PPP2R3B: variants seen among roughly 807,000 people sequenced by gnomAD.
The protein encoded by PPP2R3B is serine/threonine-protein phosphatase 2A regulatory subunit B'' subunit beta.
A neutral mutation model predicts 72.9 loss-of-function variants in PPP2R3B; 68 were observed. That is an observed-to-expected ratio of 0.93 (90% CI 0.77 to 1.14). The LOEUF is 1.14. Among genes scored for constraint, PPP2R3B ranks in the 50% most tolerant of loss-of-function variants. The probability of loss-of-function intolerance (pLI) is 0.00; values close to 1 mark genes in which losing one functional copy is unlikely to be tolerated. For missense variants in PPP2R3B, 1,018 were observed against 842.0 expected, an observed-to-expected ratio of 1.21 and a Z score of -2.59; for synonymous variants, 466 against 375.8, an observed-to-expected ratio of 1.24 and a Z score of -2.78.
chrX:366,653 G>A lies in PPP2R3B; in HGVS notation c.325-5063C>T, dbSNP rs867249274. ...GCAGAGGTTGCAGTGAGCTGAGATC[G>A]CACCACTGCACTCCAGCCTGGGCGA... On this transcript the variant is annotated intron_variant, in intron 1 of 12. Coordinates refer to ENST00000390665, the MANE Select transcript of PPP2R3B (RefSeq NM_013239.5). Among the ~76,000 whole-genome samples the A allele has an allele frequency of 1.6e-3, 52 of 33,166 alleles. 4 individuals carry two copies. The highest frequency in any genetic ancestry group is 3.0e-3 in the South Asian group (2 of 658). 21.8% of individuals were successfully genotyped at this position (33,166 alleles called of 152,430 possible).
rs2071207738 is a variant in PPP2R3B, at chrX:346,191, T to C, written c.862A>G (p.Arg288Gly). Residue 288 changes from arginine to glycine, a missense_variant, in exon 6 of 13, where the codon AGG (arginine) becomes GGG (glycine). Coordinates refer to ENST00000390665, the MANE Select transcript of PPP2R3B (RefSeq NM_013239.5). ...SGRITCAELR[R>G]SSFLQNVALL... ...CTCCGCACCTGCAGGAAGGAGCTCC[T>C]CCGCAGCTCGGCGCAGGTGATCCTG... is the stretch of plus-strand genomic sequence containing the variant. The C allele has an allele frequency of 1.3e-6, 2 of 1,563,006 alleles. No individual in the cohort carries two copies. The highest frequency in any genetic ancestry group is 1.9e-5 in the Admixed American group (1 of 53,586).
At chrX:378,420 T>A (rs1200797190) in intron 1 of PPP2R3B, among the ~76,000 whole-genome samples, 2 of 152,210 alleles carry the variant, frequency 1.3e-5, no homozygotes, top group Non-Finnish European at 2.9e-5. Context: ...TTTTCTGAAA[T>A]CCCAGATTTG....
chrX:368,288 T>C (rs1430502241), intron 1 of PPP2R3B, among the ~76,000 whole-genome samples: 78 of 66,276 alleles, frequency 1.2e-3, no homozygotes, highest in Admixed American at 2.3e-3. Flanking sequence ...ACCACCCACC[T>C]TGGGCACCGA....
intron 2 of PPP2R3B, among the ~76,000 whole-genome samples, chrX:354,398 G>A (rs193172236): frequency 1.3e-5 from 2 of 152,384 alleles, no homozygotes; most frequent in East Asian, 3.9e-4. Context: ...GGGACCGGGG[G>A]CTCACCCAAG....
In PPP2R3B at chrX:361,439, C is replaced by G. The variant is rs775191706; in HGVS notation, c.476G>C (p.Arg159Thr). ...CAGGCCCATGTCATCCATGGTGGCCCTCTCGTGGGGGAACCGGGCGAAGGT... is the reference window on the plus strand; with the variant it reads ...CAGGCCCATGTCATCCATGGTGGCCGTCTCGTGGGGGAACCGGGCGAAGGT... ...ESTFARFPHE[R>T]ATMDDMGLVA... Residue 159 changes from arginine (R) to threonine (T), a missense_variant, in exon 2 of 13, where the codon AGG (arginine) becomes ACG (threonine). By Grantham distance (71) the Arg-to-Thr change is moderately conservative. Coordinates refer to ENST00000390665, the MANE Select transcript of PPP2R3B (RefSeq NM_013239.5). The G allele has an allele frequency of 6.2e-7, 1 of 1,613,998 alleles. No homozygotes were observed. Among genetic ancestry groups the G allele is most frequent in the Non-Finnish European group, 8.5e-7 (1 of 1,179,862 alleles).
At chrX:354,018 G>A (rs1311409563) in intron 2 of PPP2R3B, among the ~76,000 whole-genome samples, 1 of 144,948 alleles carries the variant, frequency 6.9e-6, no homozygotes, top group Non-Finnish European at 1.5e-5. Context: ...CTCACCCAGG[G>A]AGCAGGGGCT....
chrX:367,196 T>C (rs1205801205), intron 1 of PPP2R3B, among the ~76,000 whole-genome samples: 4 of 152,036 alleles, frequency 2.6e-5, no homozygotes, highest in Non-Finnish European at 5.9e-5. Flanking sequence ...GAAGAGCAGG[T>C]CAGCGGTAAT....
chrX:338,496 C>G, intron 12 of PPP2R3B, 108 bp downstream of exon 12: 1 of 1,158,060 alleles, frequency 8.6e-7, no homozygotes, highest in Non-Finnish European at 1.2e-6. Flanking sequence ...CCTGACTGAC[C>G]CCGCATCCCC....
chrX:341,854 C>T (rs1408311158), intron 8 of PPP2R3B, 29 bp downstream of exon 8: 1 of 1,612,114 alleles, frequency 6.2e-7, no homozygotes, highest in Admixed American at 1.7e-5. Context: ...GGGGCAATGG[C>T]TGCCGTCAGG....
In PPP2R3B at chrX:347,223, C is replaced by T. The variant is rs769225232; in HGVS notation, c.717+11G>A. ...AAGGATAAGGCCTGTGGTGTAGACG[C>T]AGGCTCTCACCTGCAAGAAGGGGAC... On this transcript the variant is annotated intron_variant, in intron 4 of 12. Transcript: ENST00000390665. The T allele has an allele frequency of 6.2e-6, 10 of 1,612,236 alleles. No homozygotes were observed. The highest frequency in any genetic ancestry group is 2.7e-5 in the African/African-American group (2 of 74,838).
chrX:374,521 G>A (rs993218339), intron 1 of PPP2R3B, among the ~76,000 whole-genome samples: 12 of 152,224 alleles, frequency 7.9e-5, no homozygotes, highest in African/African-American at 2.9e-4. Flanking sequence ...GAAAAGAGGG[G>A]CGGTGGAAAA....
At chrX:344,793 C>T (rs2071161197) in intron 7 of PPP2R3B, 2 of 278,150 alleles carry the variant, frequency 7.2e-6, no homozygotes, top group South Asian at 3.5e-5. Flanking sequence ...ACTGCGGCCA[C>T]GCGACCCAGG....
intron 7 of PPP2R3B, among the ~76,000 whole-genome samples, chrX:344,108 A>AGGGAGAC: frequency 7.4e-6 from 1 of 135,346 alleles, no homozygotes; most frequent in African/African-American, 2.8e-5. Flanking sequence ...GGGAGGCGGG[A>AGGGAGAC]GTGAGACCTC....
intron 2 of PPP2R3B, chrX:359,897 C>G: frequency 2.0e-6 from 1 of 496,784 alleles, no homozygotes; most frequent in Non-Finnish European, 3.9e-6. Context: ...CTGAATGTGT[C>G]TAGTTTGTTA....
intron 2 of PPP2R3B, chrX:359,867 G>A (rs755946173): frequency 1.9e-6 from 1 of 515,090 alleles, no homozygotes; most frequent in Non-Finnish European, 3.9e-6. Flanking sequence ...AGCACAGACA[G>A]GGACAGAACC....
chrX:347,022 T>C (rs769458216), intron 4 of PPP2R3B, among the ~76,000 whole-genome samples: 585 of 149,600 alleles, frequency 3.9e-3, no homozygotes, highest in Non-Finnish European at 7.0e-3. Context: ...CCGTGAGCGA[T>C]GAGGTGTGCG....
intron 2 of PPP2R3B, among the ~76,000 whole-genome samples, chrX:358,386 G>A (rs2071477399): frequency 6.6e-6 from 1 of 151,962 alleles, no homozygotes; most frequent in African/African-American, 2.4e-5. Context: ...CCACAGTCAC[G>A]GTGGGTGCTC....
rs756720034 is a variant in PPP2R3B at position 363,792 on chromosome X, C to T, written c.325-2202G>A. 8.9e-4 allele frequency among the ~76,000 whole-genome samples: 136 copies of T among 152,226 alleles called. 1 individual carries two copies. Among genetic ancestry groups the T allele is most frequent in the African/African-American group, 3.2e-3 (132 of 41,528 alleles). ...CACTGTGGAGCCTGCGGCTCTTCCT[C>T]CTTCATCACGCTGGGTTCACACAGC... On this transcript the variant is annotated intron_variant, in intron 1 of 12. Coordinates refer to ENST00000390665, the MANE Select transcript of PPP2R3B (RefSeq NM_013239.5).
intron 1 of PPP2R3B, among the ~76,000 whole-genome samples, chrX:368,830 C>T (rs1485155489): frequency 4.0e-4 from 48 of 120,094 alleles, no homozygotes; most frequent in African/African-American, 7.3e-4. Context: ...GGGGGAAGGC[C>T]GGGACCACCC....
Sources: allele counts gnomAD v4.1 joint callset (sites outside exome capture counted in the v4.1 genomes callset), GRCh38; gene constraint gnomAD v4.1.1; transcripts MANE v1.5; gene names NCBI Gene and HGNC (gene_info 2026-07-23, HGNC 2026-07-21).